The following FARP2 variants were observed in gnomAD, a reference collection of about 807,000 sequenced individuals.
FARP2 encodes the protein FERM, ARH/RhoGEF and pleckstrin domain protein 2, also known as FERM, ARHGEF and pleckstrin domain-containing protein 2.
FARP2 carries 111 observed loss-of-function variants against 130.5 expected under a neutral mutation model. That is an observed-to-expected ratio of 0.85 (90% CI 0.73 to 1.00). FARP2 has a LOEUF of 1.00. Ranked by LOEUF, FARP2 falls within the 50% of genes least tolerant of loss-of-function variation. The probability of loss-of-function intolerance (pLI) is 0.00; values close to 1 mark genes in which losing one functional copy is unlikely to be tolerated. For synonymous variants in FARP2, 504 were observed against 516.9 expected (o/e 0.98, Z 0.34); for missense variants, 1,385 against 1,346.3 (o/e 1.03, Z -0.45).
chr2:241,387,987 G>A (rs1044282947), intron 2 of FARP2, among the ~76,000 whole-genome samples: 3 of 152,122 alleles, frequency 2.0e-5, no homozygotes, highest in African/African-American at 7.2e-5. Flanking sequence ...TTGTTAAGAT[G>A]GCAATACTCT....
At chr2:241,359,477 C>CCCCA (rs2061135784) in intron 1 of FARP2, among the ~76,000 whole-genome samples, 1 of 152,178 alleles carries the variant, frequency 6.6e-6, no homozygotes, top group Non-Finnish European at 1.5e-5. Flanking sequence ...CAGGCCACCT[C>CCCCA]CCCACCTCCC....
chr2:241,449,502 G>A (rs535035856), intron 13 of FARP2, among the ~76,000 whole-genome samples: 1 of 146,254 alleles, frequency 6.8e-6, no homozygotes, highest in Non-Finnish European at 1.5e-5. Context: ...TTAAAAGTAT[G>A]AAATAAAAAT....
chr2:241,384,978 A>G (rs2061750920), intron 2 of FARP2, among the ~76,000 whole-genome samples: 1 of 152,244 alleles, frequency 6.6e-6, no homozygotes. Flanking sequence ...CCTAAATTTA[A>G]TTATGAATAT....
chr2:241,421,233 G>T (rs956035051), intron 8 of FARP2, among the ~76,000 whole-genome samples: 1 of 152,212 alleles, frequency 6.6e-6, no homozygotes, highest in Admixed American at 6.5e-5. Context: ...ACACAGAGTT[G>T]TGTTCAGTCT....
At position 241,390,663 on chromosome 2, in the gene FARP2, A is replaced by G. The variant is rs117918531; in HGVS notation, c.184-13165A>G. Among the ~76,000 whole-genome samples, 72 of 151,794 alleles carry G rather than the reference A, an allele frequency of 4.7e-4. 4 individuals carry two copies. The East Asian group carries it at 0.014, about 29-fold the overall frequency. ...ACCTCTAACACTGACCTTTTTGGGGATCTTATTTTTTTCTTTAATTTTAAT... is the reference window on the plus strand; with the variant it reads ...ACCTCTAACACTGACCTTTTTGGGGGTCTTATTTTTTTCTTTAATTTTAAT... On this transcript the variant is annotated intron_variant, in intron 2 of 26. Transcript: ENST00000264042.
rs572695544 is a variant in FARP2, at chr2:241,466,341, A to G, written c.1894-1799A>G. On this transcript the variant is annotated intron_variant, in intron 17 of 26. Coordinates refer to ENST00000264042, the MANE Select transcript of FARP2 (RefSeq NM_014808.4). ...TGGCCAGCCACCCCTCAGCGACACTATACAACTCCTGGAGCGCCTGCCAGG... is the reference window on the plus strand; with the variant it reads ...TGGCCAGCCACCCCTCAGCGACACTGTACAACTCCTGGAGCGCCTGCCAGG... The G allele has an allele frequency of 2.5e-5, 25 of 985,396 alleles. No individual in the cohort carries two copies. The South Asian group carries it at 6.6e-4, about 26-fold the overall frequency. The allele number at this position is 985,396 out of a possible 1,614,324, so 61.0% of individuals were successfully genotyped here.
At chr2:241,390,794 G>A (rs529314027) in intron 2 of FARP2, among the ~76,000 whole-genome samples, 6 of 152,016 alleles carry the variant, frequency 3.9e-5, no homozygotes, top group African/African-American at 1.4e-4. Context: ...TCATTCTTCG[G>A]TGACTAATTT....
chr2:241,449,306 A>G (rs1296568477), intron 13 of FARP2, among the ~76,000 whole-genome samples: 1 of 145,844 alleles, frequency 6.9e-6, no homozygotes, highest in African/African-American at 2.5e-5. Context: ...CAGAAAAAGG[A>G]AAAAAAAAAA....
intron 8 of FARP2, among the ~76,000 whole-genome samples, chr2:241,418,499 TG>T (rs2062733304): frequency 6.6e-6 from 1 of 152,146 alleles, no homozygotes; most frequent in Non-Finnish European, 1.5e-5. Flanking sequence ...GAGCAGTCTC[TG>T]TGCTGTGGAT....
intron 8 of FARP2, among the ~76,000 whole-genome samples, chr2:241,426,298 C>T (rs1044718628): frequency 3.3e-5 from 5 of 152,112 alleles, no homozygotes; most frequent in Middle Eastern, 3.4e-3. Context: ...GCAAATGAAA[C>T]GAGGCAATTA....
intron 2 of FARP2, among the ~76,000 whole-genome samples, chr2:241,387,724 C>T (rs13395531): frequency 2.1e-5 from 3 of 144,630 alleles, no homozygotes; most frequent in East Asian, 2.1e-4. Context: ...ACCCGGGAGG[C>T]GGAGCTTGCA....
intron 5 of FARP2, among the ~76,000 whole-genome samples, chr2:241,409,468 G>A (rs1310487232): frequency 6.6e-6 from 1 of 152,140 alleles, no homozygotes; most frequent in African/African-American, 2.4e-5. Context: ...AGTATCACTT[G>A]AGCCCAGGAG....
Position 241,434,972 on chromosome 2 carries a change from CAG to C in FARP2, c.1044_1045del (p.Lys349ThrfsTer17), listed in dbSNP as rs758700514. ...AATCTTTATTCACAGTGGAAGAACT[CAG>C]AAACAACTAGTAGATTATTTCAAAG... ...GSSFRYSGRT[Q>X]KQLVDYFKDS... On this transcript the variant is annotated frameshift_variant, in exon 11 of 27. Transcript: ENST00000264042. LOFTEE classifies it high-confidence loss of function. 2.5e-6 allele frequency: 4 copies of C among 1,578,362 alleles called. No individual in the cohort carries two copies. Among genetic ancestry groups the C allele is most frequent in the Non-Finnish European group, 3.5e-6 (4 of 1,151,866 alleles).
chr2:241,450,132 A>G (rs1433159865), intron 13 of FARP2, among the ~76,000 whole-genome samples: 1 of 152,140 alleles, frequency 6.6e-6, no homozygotes, highest in Non-Finnish European at 1.5e-5. Flanking sequence ...TGGGAGGATC[A>G]TTTTAGCCCA....
intron 13 of FARP2, among the ~76,000 whole-genome samples, chr2:241,450,814 C>T (rs550740887): frequency 6.6e-6 from 1 of 152,126 alleles, no homozygotes; most frequent in Admixed American, 6.6e-5. Context: ...TAGCCAGGCA[C>T]AGTGGCACAT....
intron 2 of FARP2, among the ~76,000 whole-genome samples, chr2:241,390,950 CCAGG>C (rs1459972593): frequency 6.6e-6 from 1 of 152,122 alleles, no homozygotes; most frequent in Admixed American, 6.5e-5. Context: ...ATTTGATTTC[CCAGG>C]CAGGCTTCCC....
At chr2:241,397,101 G>A (rs1028548508) in intron 2 of FARP2, among the ~76,000 whole-genome samples, 2 of 152,090 alleles carry the variant, frequency 1.3e-5, no homozygotes, top group Non-Finnish European at 2.9e-5. Flanking sequence ...ACCAAACACC[G>A]CATGTTCTCA....
intron 1 of FARP2, among the ~76,000 whole-genome samples, chr2:241,369,223 C>G (rs545897495): frequency 1.3e-5 from 2 of 152,128 alleles, no homozygotes; most frequent in South Asian, 4.1e-4. Flanking sequence ...TTTTATTTGT[C>G]TAGTGTGTCA....
At chr2:241,440,814 TTCCAGGAAGACGTGGA>T (rs2063362990) in intron 12 of FARP2, among the ~76,000 whole-genome samples, 1 of 152,134 alleles carries the variant, frequency 6.6e-6, no homozygotes, top group Non-Finnish European at 1.5e-5. Context: ...GGTAACGGGA[TTCCAGGAAGACGTGGA>T]CCACGTGTCA....
Sources: gnomAD v4.1 joint callset for allele counts (sites outside exome capture counted in the v4.1 genomes callset) on GRCh38, gnomAD v4.1.1 for gene constraint, MANE v1.5 for transcripts, NCBI Gene and HGNC (gene_info 2026-07-23, HGNC 2026-07-21) for gene names.